The following CAMK2A variants were observed in gnomAD, a reference collection of about 807,000 sequenced individuals.
CAMK2A encodes the protein calcium/calmodulin dependent protein kinase II alpha.
CAMK2A carries 7 observed loss-of-function variants against 79.2 expected under a neutral mutation model. The observed-to-expected ratio is 0.09, with a 90% confidence interval of 0.05 to 0.17. The LOEUF is 0.17. CAMK2A is among the 10% of genes least tolerant of loss of function. The pLI, the probability that CAMK2A is intolerant of heterozygous loss-of-function variation, is 1.00. For synonymous variants in CAMK2A, 242 were observed against 251.7 expected, an observed-to-expected ratio of 0.96 and a Z score of 0.36; for missense variants, 214 against 646.4, an observed-to-expected ratio of 0.33 and a Z score of 7.25.
rs560806400 is a variant in CAMK2A, at chr5:150,239,355, G to A, written c.1017+349C>T. Reference sequence around the variant, plus strand: ...GGCCAAACCAAGCCCCACCCTCGCCGCGATTGGCACAAACCAAGCCTGAGA... The same window carrying A: ...GGCCAAACCAAGCCCCACCCTCGCCACGATTGGCACAAACCAAGCCTGAGA... On this transcript the variant is annotated intron_variant, in intron 14 of 18. Coordinates refer to ENST00000671881, the MANE Select transcript of CAMK2A (RefSeq NM_015981.4). Among the ~76,000 whole-genome samples, 315 of 152,232 alleles carry A rather than the reference G, an allele frequency of 2.1e-3. 1 individual carries two copies. Among genetic ancestry groups the A allele is most frequent in the African/African-American group, 7.3e-3 (303 of 41,536 alleles).
intron 17 of CAMK2A, among the ~76,000 whole-genome samples, chr5:150,227,031 C>T (rs542043899): frequency 1.3e-5 from 2 of 152,114 alleles, no homozygotes; most frequent in South Asian, 4.2e-4. Flanking sequence ...CTCAGCCTCC[C>T]AAAGTGCTGG....
intron 1 of CAMK2A, among the ~76,000 whole-genome samples, chr5:150,274,971 C>T (rs1295701295): frequency 5.3e-5 from 8 of 152,234 alleles, no homozygotes; most frequent in Admixed American, 3.3e-4. Flanking sequence ...TGGCAGGCAC[C>T]GAAGAAGCCT....
At chr5:150,271,354 C>T (rs116218836) in intron 2 of CAMK2A, among the ~76,000 whole-genome samples, 4 of 152,262 alleles carry the variant, frequency 2.6e-5, no homozygotes, top group Admixed American at 6.5e-5. Context: ...AAGACACTGG[C>T]GGGAGGTCGG....
chr5:150,281,195 C>G (rs1390131202), intron 1 of CAMK2A, among the ~76,000 whole-genome samples: 1 of 152,198 alleles, frequency 6.6e-6, no homozygotes, highest in African/African-American at 2.4e-5. Context: ...CAAAATTTCC[C>G]CACTCTTGGT....
rs1453665056 is a variant in CAMK2A, at chr5:150,225,878, G to A, written c.1237+2314C>T. ...TCGTACCTCAGCCTCCCAAGTAGCT[G>A]AGATTACAGGTGTGCACCACCATAC... On this transcript the variant is annotated intron_variant, in intron 17 of 18. Coordinates refer to ENST00000671881, the MANE Select transcript of CAMK2A (RefSeq NM_015981.4). Among the ~76,000 whole-genome samples the A allele has an allele frequency of 2.6e-5, 4 of 152,240 alleles. No individual in the cohort carries two copies. The East Asian group carries it at 7.7e-4, about 29-fold the overall frequency.
At chr5:150,269,950 T>A (rs1448444564) in intron 2 of CAMK2A, among the ~76,000 whole-genome samples, 2 of 152,104 alleles carry the variant, frequency 1.3e-5, no homozygotes, top group African/African-American at 4.8e-5. Flanking sequence ...CCGAGACTTG[T>A]CACTGGGGAG....
intron 1 of CAMK2A, among the ~76,000 whole-genome samples, chr5:150,280,794 A>T (rs1175682103): frequency 6.6e-6 from 1 of 151,926 alleles, no homozygotes; most frequent in Non-Finnish European, 1.5e-5. Context: ...TCCATCACTG[A>T]CAGTGCCTTT....
chr5:150,231,404 AAATAATAAT>A (rs35699794), intron 15 of CAMK2A, 24 bp from the exon 16 acceptor site: 14,671 of 488,592 alleles, frequency 0.03, 987 homozygotes, highest in African/African-American at 0.2. Flanking sequence ...GGGGACACAG[AAATAATAAT>A]AATAATAATA....
intron 12 of CAMK2A, among the ~76,000 whole-genome samples, chr5:150,246,244 A>G (rs1260775002): frequency 6.6e-6 from 1 of 151,998 alleles, no homozygotes; most frequent in East Asian, 1.9e-4. Context: ...CAAGTTCCCT[A>G]CTTGCAAACC....
intron 3 of CAMK2A, among the ~76,000 whole-genome samples, chr5:150,259,054 C>T (rs1392355995): frequency 2.0e-5 from 3 of 152,082 alleles, no homozygotes; most frequent in South Asian, 2.1e-4. Context: ...GTGGCCCATG[C>T]TTATAATCCC....
intron 16 of CAMK2A, among the ~76,000 whole-genome samples, chr5:150,228,613 A>C (rs947504351): frequency 1.3e-5 from 2 of 152,124 alleles, no homozygotes; most frequent in African/African-American, 4.8e-5. Context: ...TGGGGAGGAA[A>C]TTCAGCTTGC....
At chr5:150,239,539 AACAC>A (rs550275908) in intron 14 of CAMK2A, among the ~76,000 whole-genome samples, 161 bp downstream of exon 14, 2 of 151,906 alleles carry the variant, frequency 1.3e-5, no homozygotes, top group African/African-American at 2.4e-5. Flanking sequence ...ACACGCAAAC[AACAC>A]ACACACACAA....
chr5:150,229,166 G>A (rs980363177), intron 16 of CAMK2A, among the ~76,000 whole-genome samples: 8 of 152,212 alleles, frequency 5.3e-5, no homozygotes, highest in African/African-American at 9.7e-5. Flanking sequence ...GCCCAGCACC[G>A]TCTGAGCTGG....
chr5:150,267,534 T>A (rs1302349647), intron 2 of CAMK2A, among the ~76,000 whole-genome samples: 18 of 152,238 alleles, frequency 1.2e-4, no homozygotes, highest in Admixed American at 1.2e-3. Context: ...ACTAATTGTA[T>A]AAATCTTACA....
chr5:150,238,535 G>A, intron 15 of CAMK2A, 165 bp downstream of exon 15: 1 of 732,456 alleles, frequency 1.4e-6, no homozygotes, highest in Non-Finnish European at 2.5e-6. Context: ...GCCCTCCATG[G>A]GAATGATGCC....
chr5:150,253,878 C>T (rs76143210), intron 6 of CAMK2A, among the ~76,000 whole-genome samples: 2 of 152,168 alleles, frequency 1.3e-5, no homozygotes, highest in Admixed American at 6.5e-5. Flanking sequence ...GCAGCAGCAG[C>T]ATTGATTGTG....
intron 12 of CAMK2A, among the ~76,000 whole-genome samples, chr5:150,245,666 G>T (rs1299320148): frequency 1.3e-5 from 2 of 152,206 alleles, no homozygotes; most frequent in African/African-American, 2.4e-5. Context: ...ACTCACTCCG[G>T]ACAGCTGCAG....
At chr5:150,275,790 G>A (rs1369712909) in intron 1 of CAMK2A, among the ~76,000 whole-genome samples, 4 of 152,086 alleles carry the variant, frequency 2.6e-5, no homozygotes, top group South Asian at 2.1e-4. Context: ...TGTAGTTGGG[G>A]TGTGTCACCT....
In CAMK2A at chr5:150,284,994, G is replaced by A. The variant is rs543963725; in HGVS notation, c.62+4570C>T. Among the ~76,000 whole-genome samples, 10 of 152,284 alleles carry A rather than the reference G, an allele frequency of 6.6e-5. No homozygotes were observed. The South Asian group carries it at 2.1e-3, about 32-fold the overall frequency. ...TCCCCATTTTACAGATGGTAAAGCC[G>A]AGGCACACAAACAGCAAGTGATTCA... On this transcript the variant is annotated intron_variant, in intron 1 of 18. Coordinates refer to ENST00000671881, the MANE Select transcript of CAMK2A (RefSeq NM_015981.4). The surrounding 1 kb of genome is among the most constrained non-coding windows in gnomAD (Gnocchi z 5.3).
Sources: allele counts gnomAD v4.1 joint callset (sites outside exome capture counted in the v4.1 genomes callset), GRCh38; gene constraint gnomAD v4.1.1; non-coding constraint Gnocchi (gnomAD v3.1); transcripts MANE v1.5; gene names NCBI Gene and HGNC (gene_info 2026-07-23, HGNC 2026-07-21).